The following STARD13 variants were observed in gnomAD, a reference collection of about 807,000 sequenced individuals.
STARD13 encodes the protein stAR-related lipid transfer protein 13.
Under a neutral mutation model 106.4 loss-of-function variants are expected in STARD13, and 62 were observed. The observed-to-expected ratio is 0.58, with a 90% CI of 0.48 to 0.72. The LOEUF (loss-of-function observed/expected upper bound fraction) is 0.72, where lower values mean the gene tolerates loss of function less well. STARD13 is among the 30% of genes least tolerant of loss of function. STARD13 has a pLI of 0.00. For missense variants in STARD13, 1,387 were observed against 1,424.0 expected, an observed-to-expected ratio of 0.97 and a Z score of 0.42; for synonymous variants, 565 against 553.0, an observed-to-expected ratio of 1.02 and a Z score of -0.31.
At position 33,150,799 on chromosome 13, in the gene STARD13, T is replaced by C. The variant is rs183749092; in HGVS notation, c.324-8426A>G. Among the ~76,000 whole-genome samples, 687 of 152,350 alleles carry C rather than the reference T, an allele frequency of 4.5e-3. 6 individuals carry two copies. Among genetic ancestry groups the C allele is most frequent in the African/African-American group, 0.015 (631 of 41,580 alleles). ...CTTCAGAATCCTTGAGAAGGGCTAA[T>C]ACGCTAGCAAATGTGAAATAGTAGT... On this transcript the variant is annotated intron_variant, in intron 3 of 13. Transcript: ENST00000336934.
intron 1 of STARD13, among the ~76,000 whole-genome samples, chr13:33,202,290 T>C (rs368133165): frequency 3.9e-5 from 6 of 152,324 alleles, no homozygotes; most frequent in Admixed American, 3.3e-4. Flanking sequence ...TTTTGCATTG[T>C]TGCAATCTCA....
At chr13:33,592,723 A>G in the STARD13 span, among the ~76,000 whole-genome samples, 2 of 152,212 alleles carry the variant, frequency 1.3e-5, no homozygotes, top group African/African-American at 4.8e-5. Context: ...TCCCAGTCCA[A>G]TTTTCTGACA....
At chr13:33,543,487 C>G in the STARD13 span, among the ~76,000 whole-genome samples, 1 of 150,002 alleles carries the variant, frequency 6.7e-6, no homozygotes, top group African/African-American at 2.5e-5. Flanking sequence ...TAATAATGTT[C>G]TTTTTTTCCT....
At chr13:33,215,329 C>T (rs924648651) in intron 1 of STARD13, among the ~76,000 whole-genome samples, 1 of 152,192 alleles carries the variant, frequency 6.6e-6, no homozygotes, top group African/African-American at 2.4e-5. Context: ...CAAAGGCTAA[C>T]AAGTGCTTTA....
At chr13:33,250,432 T>A (rs921749563) in intron 1 of STARD13, among the ~76,000 whole-genome samples, 1 of 152,224 alleles carries the variant, frequency 6.6e-6, no homozygotes, top group Non-Finnish European at 1.5e-5. Context: ...TTCACTGTCT[T>A]GTAACCAATG....
chr13:33,475,655 T>C, the STARD13 span, among the ~76,000 whole-genome samples: 4 of 152,212 alleles, frequency 2.6e-5, no homozygotes, highest in African/African-American at 9.7e-5. Flanking sequence ...TATTTTGTTA[T>C]TTAGAAAAAT....
the STARD13 span, among the ~76,000 whole-genome samples, chr13:33,415,109 C>T: frequency 2.6e-5 from 4 of 152,222 alleles, no homozygotes; most frequent in African/African-American, 9.6e-5. Context: ...TGGCTCACAC[C>T]TGTAATCCCA....
the STARD13 span, among the ~76,000 whole-genome samples, chr13:33,521,365 G>A: frequency 2.7e-4 from 41 of 152,170 alleles, no homozygotes; most frequent in Middle Eastern, 0.01. Flanking sequence ...TTTCTCTGTG[G>A]GAGCTTCTGA....
At chr13:33,364,791 A>G in the STARD13 span, among the ~76,000 whole-genome samples, 1 of 152,320 alleles carries the variant, frequency 6.6e-6, no homozygotes, top group Admixed American at 6.5e-5. Context: ...CGGGAGGCTG[A>G]GGCAGGAGAA....
rs879060509 is a variant in STARD13 at position 33,129,010 on chromosome 13, G to A, written c.1667C>T (p.Thr556Ile). Residue 556 changes from threonine (T) to isoleucine (I), a missense_variant, in exon 5 of 14, where the codon ACA becomes ATA. Physicochemically the swap from Thr to Ile is moderately conservative, Grantham distance 89. Transcript: ENST00000336934. ...AGGAGGCTCAGATTCATTAAGAGAT[G>A]TTACATCTCTTTCCACATCACTGGG... is the stretch of plus-strand genomic sequence containing the variant. Reference protein sequence around the residue: ...TTPSDVERDVTSLNESEPPGV... With the variant: ...TTPSDVERDVISLNESEPPGV... 1.9e-6 allele frequency: 3 copies of A among 1,614,112 alleles called. No individual in the cohort carries two copies. Among genetic ancestry groups the A allele is most frequent in the South Asian group, 1.1e-5 (1 of 91,070 alleles).
the STARD13 span, among the ~76,000 whole-genome samples, chr13:33,482,611 T>C: frequency 6.6e-6 from 1 of 152,206 alleles, no homozygotes; most frequent in Non-Finnish European, 1.5e-5. Context: ...TAATACATAA[T>C]TGATTAGAAT....
chr13:33,312,438 C>A (rs1594249824), intron 1 of STARD13, among the ~76,000 whole-genome samples: 1 of 152,140 alleles, frequency 6.6e-6, no homozygotes, highest in Non-Finnish European at 1.5e-5. Flanking sequence ...TCCTGCTCCA[C>A]CCCTTTTCTC....
intron 1 of STARD13, among the ~76,000 whole-genome samples, chr13:33,294,865 A>T (rs1201679848): frequency 2.6e-5 from 4 of 152,164 alleles, no homozygotes; most frequent in African/African-American, 9.7e-5. Flanking sequence ...ACACTTGCTC[A>T]TTGAAGAAAT....
At chr13:33,287,725 C>A (rs1892130390), upstream of STARD13, among the ~76,000 whole-genome samples, 1 of 152,148 alleles carries the variant, frequency 6.6e-6, no homozygotes. Flanking sequence ...TGTGCACGTG[C>A]TTTCGGCTTG....
At chr13:33,230,113 A>C (rs1027458892) in intron 1 of STARD13, among the ~76,000 whole-genome samples, 2 of 152,248 alleles carry the variant, frequency 1.3e-5, no homozygotes, top group African/African-American at 4.8e-5. Context: ...TGGTCAGTCC[A>C]CATGGGGAAG....
chr13:33,109,262 A>G (rs1395127371), intron 12 of STARD13, among the ~76,000 whole-genome samples: 5 of 152,170 alleles, frequency 3.3e-5, no homozygotes, highest in Admixed American at 2.6e-4. Context: ...CAAACTTTCT[A>G]TCATTGGTTG....
chr13:33,262,230 A>G (rs1233243435), intron 1 of STARD13, among the ~76,000 whole-genome samples: 3 of 152,232 alleles, frequency 2.0e-5, no homozygotes, highest in Non-Finnish European at 2.9e-5. Flanking sequence ...GAATAGGTCT[A>G]TCAGCAAGGA....
intron 1 of STARD13, among the ~76,000 whole-genome samples, chr13:33,257,211 A>C (rs1890408058): frequency 6.6e-6 from 1 of 152,198 alleles, no homozygotes; most frequent in African/African-American, 2.4e-5. Context: ...TATCCATGTA[A>C]ATTTGGTGAT....
chr13:33,206,164 A>G (rs1887404317), intron 1 of STARD13: 1 of 246,432 alleles, frequency 4.1e-6, no homozygotes, highest in Admixed American at 6.5e-5. Flanking sequence ...CACATACCAG[A>G]GGAAACGCTG....
Sources: gnomAD v4.1 joint callset for allele counts (sites outside exome capture counted in the v4.1 genomes callset) on GRCh38, gnomAD v4.1.1 for gene constraint, MANE v1.5 for transcripts, NCBI Gene and HGNC (gene_info 2026-07-23, HGNC 2026-07-21) for gene names.